Variants in ATP1A3 observed in about 807,000 individuals in gnomAD.
ATP1A3 encodes ATPase Na+/K+ transporting subunit alpha 3, also known as sodium/potassium-transporting ATPase subunit alpha-3.
In ATP1A3, 12 loss-of-function variants were observed where a neutral mutation model predicts 108.8. That is an observed-to-expected ratio of 0.11 (90% CI 0.07 to 0.18). The LOEUF is 0.18. Ranked by LOEUF, ATP1A3 falls within the 10% of genes least tolerant of loss-of-function variation. ATP1A3 has a pLI of 1.00. For synonymous variants in ATP1A3, 539 were observed against 564.5 expected (o/e 0.95, Z 0.64); for missense variants, 498 against 1,387.7 (o/e 0.36, Z 10.19).
intron 11 of ATP1A3, among the ~76,000 whole-genome samples, chr19:41,980,506 C>CGGGAGG (rs2075219648): frequency 6.6e-6 from 1 of 152,058 alleles, no homozygotes; most frequent in African/African-American, 2.4e-5. Context: ...TCCAGCTACT[C>CGGGAGG]GGGAGGCTGA....
intron 8 of ATP1A3, among the ~76,000 whole-genome samples, chr19:41,983,578 T>C (rs1287100423): frequency 1.4e-5 from 2 of 145,854 alleles, no homozygotes; most frequent in Admixed American, 1.4e-4. Flanking sequence ...TTAAAAATAA[T>C]AATAATAATT....
rs374326970 is a variant in ATP1A3, at chr19:41,967,831, CAG to C, written c.2820-70_2820-69del. 3,028 of 1,401,256 alleles carry C rather than the reference CAG, an allele frequency of 2.2e-3. 18 individuals carry two copies. The highest frequency in any genetic ancestry group is 1.0e-2 in the South Asian group (838 of 84,164). The allele number at this position is 1,401,256 out of a possible 1,614,324, so 86.8% of individuals were successfully genotyped here. On this transcript the variant is annotated intron_variant, in intron 20 of 22. Coordinates refer to ENST00000648268, the MANE Select transcript of ATP1A3 (RefSeq NM_152296.5). The surrounding 1 kb of genome is among the most constrained non-coding windows in gnomAD (Gnocchi z 4.2). The stretch of plus-strand genomic sequence containing the variant: ...CCCTGCACCTGCCACCCCGCAGAGA[CAG>C]GGGGAGGCACAGTGCAGACACCCAG...
intron 1 of ATP1A3, 47 bp downstream of exon 1, chr19:41,994,024 C>A: frequency 6.2e-7 from 1 of 1,608,472 alleles, no homozygotes. Context: ...ATGTCACCGG[C>A]CCCACAATGT....
At position 41,985,567 on chromosome 19, in the gene ATP1A3, A is replaced by T; in HGVS notation, c.607-144T>A. 1 of 907,094 alleles carries T rather than the reference A, an allele frequency of 1.1e-6. No homozygotes were observed. The highest frequency in any genetic ancestry group is 1.8e-6 in the Non-Finnish European group (1 of 570,074). The allele number at this position is 907,094 out of a possible 1,614,324, so 56.2% of individuals were successfully genotyped here. A position where few individuals can be genotyped will look rare whatever the true frequency, so the allele number is the denominator to read the frequency against. On this transcript the variant is annotated intron_variant, in intron 6 of 22. Transcript: ENST00000648268. This position sits in a 1 kb window ranked among gnomAD's most constrained non-coding sequence, Gnocchi z 8.2. ...GCCCAGTGGGTGAGTGGTGTGTGGGAGGCCAGAGGCTGGGATCTTGAAGGT... is the reference window on the plus strand; with the variant it reads ...GCCCAGTGGGTGAGTGGTGTGTGGGTGGCCAGAGGCTGGGATCTTGAAGGT...
Position 41,978,583 on chromosome 19 carries a change from G to C in ATP1A3, c.1630+23C>G, listed in dbSNP as rs1555862271. 1 of 1,611,296 alleles carries C rather than the reference G, an allele frequency of 6.2e-7. No homozygotes were observed. Among genetic ancestry groups the C allele is most frequent in the Non-Finnish European group, 8.5e-7 (1 of 1,179,880 alleles). On this transcript the variant is annotated intron_variant, in intron 12 of 22. Coordinates refer to ENST00000648268, the MANE Select transcript of ATP1A3 (RefSeq NM_152296.5). The surrounding 1 kb of genome is among the most constrained non-coding windows in gnomAD (Gnocchi z 8.3). ...CCCTCCTTGCCCTCCAGGGACCCCA[G>C]AGCCCGCCCGGCAGCCTCGCACCAA...
chr19:41,993,376 G>A, intron 1 of ATP1A3: 2 of 1,535,336 alleles, frequency 1.3e-6, no homozygotes, highest in Non-Finnish European at 8.7e-7. Flanking sequence ...CCTCAGCTGT[G>A]CACTCAGTCT....
At chr19:41,977,123 C>T (rs1555861602) in intron 14 of ATP1A3, among the ~76,000 whole-genome samples, 1 of 151,202 alleles carries the variant, frequency 6.6e-6, no homozygotes, top group Non-Finnish European at 1.5e-5. Flanking sequence ...ACAGTGGATT[C>T]AGAGGAACGG....
At chr19:41,971,543 T>C (rs1314495870) in intron 16 of ATP1A3, among the ~76,000 whole-genome samples, 1 of 152,056 alleles carries the variant, frequency 6.6e-6, no homozygotes, top group African/African-American at 2.4e-5. Context: ...CCACGGTACA[T>C]CCATGCAGTC....
chr19:41,993,850 G>T, intron 1 of ATP1A3: 1 of 827,882 alleles, frequency 1.2e-6, no homozygotes, highest in East Asian at 2.9e-5. Flanking sequence ...ACAACCTCGC[G>T]GATCTCCGCA....
chr19:41,978,097 G>A lies in ATP1A3; in HGVS notation c.1807-25C>T, dbSNP rs782078148. The A allele has an allele frequency of 6.2e-7, 1 of 1,614,220 alleles. No individual in the cohort carries two copies. Among genetic ancestry groups the A allele is most frequent in the Non-Finnish European group, 8.5e-7 (1 of 1,180,034 alleles). On this transcript the variant is annotated intron_variant, in intron 13 of 22. Coordinates refer to ENST00000648268, the MANE Select transcript of ATP1A3 (RefSeq NM_152296.5). This position sits in a 1 kb window ranked among gnomAD's most constrained non-coding sequence, Gnocchi z 8.3. ...CCTGCAGGCATTGTTTTTTAGGGATGGCCTCTCCCGCCCCACGCCTGGCTT... is the reference window on the plus strand; with the variant it reads ...CCTGCAGGCATTGTTTTTTAGGGATAGCCTCTCCCGCCCCACGCCTGGCTT...
Position 41,969,322 on chromosome 19 carries a change from A to G in ATP1A3, c.2688+113T>C, listed in dbSNP as rs1311999258. The G allele has an allele frequency of 8.3e-6, 13 of 1,564,016 alleles. No individual in the cohort carries two copies. In the Middle Eastern group the frequency reaches 8.7e-4, roughly 105 times the overall value. On this transcript the variant is annotated intron_variant, in intron 19 of 22. Transcript: ENST00000648268. ...CCCCAGGTGCCCAGCAAAGGCCTTG[A>G]TGCTGCCATGGGAGACTGAGGGGGC...
At chr19:41,983,585 AATT>A (rs1270040596) in intron 8 of ATP1A3, among the ~76,000 whole-genome samples, 10 of 144,334 alleles carry the variant, frequency 6.9e-5, no homozygotes, top group East Asian at 2.0e-4. Context: ...TAATAATAAT[AATT>A]ATTATTATTA....
At chr19:41,993,727 C>T in intron 1 of ATP1A3, 1 of 600,444 alleles carries the variant, frequency 1.7e-6, no homozygotes, top group Non-Finnish European at 2.9e-6. Context: ...TCAGACACCA[C>T]GGGGCCCACA....
intron 1 of ATP1A3, 74 bp downstream of exon 1, chr19:41,993,997 C>G (rs782546352): frequency 1.1e-5 from 17 of 1,593,270 alleles, no homozygotes; most frequent in Non-Finnish European, 1.3e-5. Flanking sequence ...GGTGCCCCCG[C>G]CCCCCGCGCA....
rs1482285178 is a variant in ATP1A3 at position 41,985,627 on chromosome 19, G to A, written c.607-204C>T. 6.6e-6 allele frequency among the ~76,000 whole-genome samples: 1 copy of A among 152,150 alleles called. No individual in the cohort carries two copies. Among genetic ancestry groups the A allele is most frequent in the Non-Finnish European group, 1.5e-5 (1 of 68,018 alleles). ...ACAGTGCTGCTGGCCAAGGTCTAGG[G>A]TCCCTAAGGATCTCCGAAAGGTGAG... On this transcript the variant is annotated intron_variant, in intron 6 of 22. Transcript: ENST00000648268. The surrounding 1 kb of genome is among the most constrained non-coding windows in gnomAD (Gnocchi z 8.2).
rs560873758 is a variant in ATP1A3 at position 41,969,901 on chromosome 19, A to G, written c.2542+284T>C. On this transcript the variant is annotated intron_variant, in intron 18 of 22. Coordinates refer to ENST00000648268, the MANE Select transcript of ATP1A3 (RefSeq NM_152296.5). ...CCCAGCTTGAGCTCCCTACGCAGGA[A>G]TGACCTCCCTGGGCCTGGAACCACT... 3.9e-5 allele frequency among the ~76,000 whole-genome samples: 6 copies of G among 152,286 alleles called. 1 individual carries two copies. The highest frequency in any genetic ancestry group is 9.6e-5 in the African/African-American group (4 of 41,570).
At chr19:41,993,987 G>A in intron 1 of ATP1A3, 84 bp downstream of exon 1, 4 of 1,583,186 alleles carry the variant, frequency 2.5e-6, no homozygotes, top group Non-Finnish European at 2.6e-6. Flanking sequence ...CAGGGGTCCC[G>A]GTGCCCCCGC....
chr19:41,976,719 G>T (rs1382234990), intron 14 of ATP1A3, among the ~76,000 whole-genome samples, 153 bp from the exon 15 acceptor site: 1 of 152,140 alleles, frequency 6.6e-6, no homozygotes, highest in Non-Finnish European at 1.5e-5. Context: ...GAGAAGCAGG[G>T]GAGAAGGGGG....
Position 41,968,947 on chromosome 19 carries a change from CAGTT to C in ATP1A3, c.2689-36_2689-33del. 1 of 1,613,128 alleles carries C rather than the reference CAGTT, an allele frequency of 6.2e-7. No individual in the cohort carries two copies. Reference sequence around the variant, plus strand: ...GAGCGGTGACCAGGGCACGGGACGTCAGTTAGTGGCACTGCAGCCCTAGCCGCCA... The same window carrying C: ...GAGCGGTGACCAGGGCACGGGACGTCAGTGGCACTGCAGCCCTAGCCGCCA... On this transcript the variant is annotated intron_variant, in intron 19 of 22. Coordinates refer to ENST00000648268, the MANE Select transcript of ATP1A3 (RefSeq NM_152296.5). This position sits in a 1 kb window ranked among gnomAD's most constrained non-coding sequence, Gnocchi z 5.0.
Sources: allele counts gnomAD v4.1 joint callset (sites outside exome capture counted in the v4.1 genomes callset), GRCh38; gene constraint gnomAD v4.1.1; non-coding constraint Gnocchi (gnomAD v3.1); transcripts MANE v1.5; gene names NCBI Gene and HGNC (gene_info 2026-07-23, HGNC 2026-07-21).